Variants in CELF4 observed in about 807,000 individuals in gnomAD.
CELF4 encodes the protein CUG-BP- and ETR-3-like factor 4.
Under a neutral mutation model 59.9 loss-of-function variants are expected in CELF4, and 18 were observed. The ratio of observed to expected loss-of-function variants is 0.30; its 90% confidence interval spans 0.21 to 0.45. The LOEUF is 0.45. Among genes scored for constraint, CELF4 ranks in the 20% least tolerant of loss-of-function variants. CELF4 has a pLI of 1.00. For synonymous variants in CELF4, 261 were observed against 267.1 expected (o/e 0.98, Z 0.22); for missense variants, 456 against 689.0 (o/e 0.66, Z 3.79).
intron 1 of CELF4, among the ~76,000 whole-genome samples, chr18:37,560,985 T>C (rs1183333603): frequency 3.9e-5 from 6 of 152,232 alleles, no homozygotes; most frequent in African/African-American, 1.4e-4. Context: ...AAACCCCAAA[T>C]CAAGGGGCTT....
rs192044492 is a variant in CELF4, at chr18:37,509,760, C to T, written c.287-24153G>A. ...CAAAACCTAAAGTAGGAATAGCCTACATTTTCATCAGCTTATGAATGGATA... is the reference window on the plus strand; with the variant it reads ...CAAAACCTAAAGTAGGAATAGCCTATATTTTCATCAGCTTATGAATGGATA... On this transcript the variant is annotated intron_variant, in intron 1 of 12. Transcript: ENST00000420428. Among the ~76,000 whole-genome samples the T allele has an allele frequency of 3.3e-5, 5 of 152,348 alleles. No homozygotes were observed. In the East Asian group the frequency reaches 5.8e-4, roughly 18 times the overall value.
intron 2 of CELF4, among the ~76,000 whole-genome samples, chr18:37,403,888 C>T (rs943247112): frequency 6.6e-6 from 1 of 152,188 alleles, no homozygotes; most frequent in Admixed American, 6.5e-5. Flanking sequence ...GGATTTAGCC[C>T]TAATTCTCAT....
rs1031649256 is a variant in CELF4 at position 37,244,088 on chromosome 18, C to G, written c.*1154G>C. 1 of 154,916 alleles carries G rather than the reference C, an allele frequency of 6.5e-6. No individual in the cohort carries two copies. The highest frequency in any genetic ancestry group is 1.8e-4 in the East Asian group (1 of 5,426). 9.6% of individuals were successfully genotyped at this position (154,916 alleles called of 1,614,324 possible). A position where few individuals can be genotyped will look rare whatever the true frequency, so the allele number is the denominator to read the frequency against. On this transcript the variant is annotated 3_prime_UTR_variant, in exon 13 of 13. Transcript: ENST00000420428. ...GGATTGATGCTCTGTCTAAACTCTA[C>G]AAAAGTACAGTCCTACAACATCTGG...
At chr18:37,528,895 C>T (rs1445976864) in intron 1 of CELF4, 1 of 152,110 alleles carries the variant, frequency 6.6e-6, no homozygotes, top group Non-Finnish European at 1.5e-5. Flanking sequence ...TGCTGTTATT[C>T]TTCTGTAAAT....
At chr18:37,278,373 G>A (rs2093671759) in intron 3 of CELF4, among the ~76,000 whole-genome samples, 1 of 152,182 alleles carries the variant, frequency 6.6e-6, no homozygotes, top group African/African-American at 2.4e-5. Context: ...ATCCTCAAAT[G>A]TGTTCAGTTT....
chr18:37,464,558 T>C (rs747820870), intron 2 of CELF4, among the ~76,000 whole-genome samples: 1 of 152,210 alleles, frequency 6.6e-6, no homozygotes, highest in Non-Finnish European at 1.5e-5. Flanking sequence ...CTCAGGACTC[T>C]GCCTGGGGTG....
chr18:37,306,548 C>T (rs1165819917), intron 3 of CELF4, among the ~76,000 whole-genome samples: 1 of 152,224 alleles, frequency 6.6e-6, no homozygotes, highest in Non-Finnish European at 1.5e-5. Flanking sequence ...CCTCCTTTGT[C>T]TGCTTGGCAG....
At chr18:37,434,811 C>T (rs185299968) in intron 2 of CELF4, among the ~76,000 whole-genome samples, 14 of 152,248 alleles carry the variant, frequency 9.2e-5, no homozygotes, top group African/African-American at 2.4e-4. Context: ...CTCCCCAAGT[C>T]CTCCCAGTGT....
intron 2 of CELF4, among the ~76,000 whole-genome samples, chr18:37,395,514 A>G (rs2099233165): frequency 6.6e-6 from 1 of 152,152 alleles, no homozygotes; most frequent in Admixed American, 6.5e-5. Flanking sequence ...GGTGTCCACT[A>G]TAGCAGTTTG....
intron 2 of CELF4, among the ~76,000 whole-genome samples, chr18:37,452,865 T>G (rs2099767877): frequency 1.3e-5 from 2 of 152,206 alleles, no homozygotes; most frequent in African/African-American, 4.8e-5. Flanking sequence ...CAGCATAGCC[T>G]GAGCCAAGTA....
At chr18:37,491,055 A>G (rs1003998417) in intron 1 of CELF4, among the ~76,000 whole-genome samples, 2 of 152,068 alleles carry the variant, frequency 1.3e-5, no homozygotes, top group Non-Finnish European at 2.9e-5. Flanking sequence ...ACAGAACTGC[A>G]GGGTGAGAAG....
intron 2 of CELF4, among the ~76,000 whole-genome samples, chr18:37,328,337 G>A (rs1432009571): frequency 1.3e-5 from 2 of 152,228 alleles, no homozygotes; most frequent in Non-Finnish European, 2.9e-5. Flanking sequence ...CCCGCAGGGA[G>A]CTGGGGAGAG....
intron 1 of CELF4, among the ~76,000 whole-genome samples, chr18:37,506,420 T>C (rs2154604097): frequency 6.6e-6 from 1 of 152,310 alleles, no homozygotes; most frequent in East Asian, 1.9e-4. Context: ...CAGGACCTGC[T>C]AACTCTACAT....
chr18:37,410,115 G>A (rs554106675), intron 2 of CELF4, among the ~76,000 whole-genome samples: 2 of 152,310 alleles, frequency 1.3e-5, no homozygotes, highest in South Asian at 2.1e-4. Context: ...TGAGGTTCTC[G>A]GGAGAGCATG....
chr18:37,285,412 C>G (rs1040031531), intron 3 of CELF4, among the ~76,000 whole-genome samples: 1 of 152,232 alleles, frequency 6.6e-6, no homozygotes, highest in South Asian at 2.1e-4. Flanking sequence ...TCCTTGGCCC[C>G]TGGGGCCTGT....
At chr18:37,445,789 A>T (rs2099746529) in intron 2 of CELF4, among the ~76,000 whole-genome samples, 1 of 152,168 alleles carries the variant, frequency 6.6e-6, no homozygotes, top group Admixed American at 6.5e-5. Flanking sequence ...GAGAAGAGGC[A>T]GAGAAGGCAG....
chr18:37,456,896 C>T (rs1028405724), intron 2 of CELF4, among the ~76,000 whole-genome samples: 1 of 152,156 alleles, frequency 6.6e-6, no homozygotes, highest in Non-Finnish European at 1.5e-5. Context: ...CAGCCCCAGG[C>T]CTGCATGTTT....
intron 2 of CELF4, among the ~76,000 whole-genome samples, chr18:37,481,134 G>T (rs775159967): frequency 7.2e-5 from 11 of 152,182 alleles, no homozygotes; most frequent in Non-Finnish European, 1.2e-4. Flanking sequence ...GGAGGGGAAG[G>T]GGGAGACAGC....
chr18:37,542,235 G>C (rs888225992), intron 1 of CELF4, among the ~76,000 whole-genome samples: 2 of 152,208 alleles, frequency 1.3e-5, no homozygotes, highest in African/African-American at 2.4e-5. Flanking sequence ...ACCAATGACT[G>C]TAATAAAGGT....
Sources: gnomAD v4.1 joint callset for allele counts (sites outside exome capture counted in the v4.1 genomes callset) on GRCh38, gnomAD v4.1.1 for gene constraint, MANE v1.5 for transcripts, NCBI Gene and HGNC (gene_info 2026-07-23, HGNC 2026-07-21) for gene names.